PHACTR1: variants seen among roughly 807,000 people sequenced by gnomAD.
The protein encoded by PHACTR1 is RPEL repeat containing 1.
In PHACTR1, 16 loss-of-function variants were observed where a neutral mutation model predicts 69.2. The ratio of observed to expected loss-of-function variants is 0.23; its 90% confidence interval spans 0.16 to 0.35. The LOEUF is 0.35. PHACTR1 is among the 10% of genes least tolerant of loss of function. The pLI, the probability that PHACTR1 is intolerant of heterozygous loss-of-function variation, is 1.00. For missense variants in PHACTR1, 510 were observed against 734.7 expected, an observed-to-expected ratio of 0.69 and a Z score of 3.54; for synonymous variants, 312 against 284.5, an observed-to-expected ratio of 1.10 and a Z score of -0.97.
At chr6:12,727,023 T>C (rs1762878940) in intron 3 of PHACTR1, among the ~76,000 whole-genome samples, 1 of 152,226 alleles carries the variant, frequency 6.6e-6, no homozygotes, top group African/African-American at 2.4e-5. Flanking sequence ...CTTGTTGTTT[T>C]ATTTTGTTTT....
At chr6:13,095,089 A>G (rs1430158193) in intron 5 of PHACTR1, among the ~76,000 whole-genome samples, 2 of 152,186 alleles carry the variant, frequency 1.3e-5, no homozygotes, top group East Asian at 3.8e-4. Flanking sequence ...AAGCCAAGAG[A>G]AGAGGCCTCA....
At chr6:12,870,192 C>T (rs781537407) in intron 4 of PHACTR1, among the ~76,000 whole-genome samples, 8 of 151,990 alleles carry the variant, frequency 5.3e-5, no homozygotes, top group Non-Finnish European at 8.8e-5. Context: ...CAAACATGCA[C>T]ATTTTCTTCA....
intron 4 of PHACTR1, among the ~76,000 whole-genome samples, chr6:12,980,943 G>A (rs1795455743): frequency 1.3e-5 from 2 of 152,192 alleles, no homozygotes; most frequent in Admixed American, 1.3e-4. Flanking sequence ...CCATTTTTGA[G>A]GTGTGTGCGG....
chr6:13,047,889 G>T (rs376279305), intron 4 of PHACTR1, among the ~76,000 whole-genome samples: 1 of 151,984 alleles, frequency 6.6e-6, no homozygotes, highest in African/African-American at 2.4e-5. Context: ...CCCGAGCCCC[G>T]GCCCAGCTCC....
chr6:13,193,355 GTGTATATATATATATA>G (rs6149434), intron 7 of PHACTR1, among the ~76,000 whole-genome samples: 13,171 of 45,086 alleles, frequency 0.29, 1,720 homozygotes, highest in East Asian at 0.69. Flanking sequence ...ATAGCTCTCT[GTGTATATATATATATA>G]TATATATATA....
At chr6:13,215,661 C>T (rs887374379) in intron 8 of PHACTR1, among the ~76,000 whole-genome samples, 2 of 152,160 alleles carry the variant, frequency 1.3e-5, no homozygotes, top group African/African-American at 4.8e-5. Flanking sequence ...TAATAGGAGT[C>T]CCAAATGGTT....
At chr6:12,969,254 A>G (rs1233388265) in intron 4 of PHACTR1, among the ~76,000 whole-genome samples, 1 of 152,222 alleles carries the variant, frequency 6.6e-6, no homozygotes, top group Admixed American at 6.5e-5. Flanking sequence ...AAAATCAGAT[A>G]TCTTATCTGA....
intron 4 of PHACTR1, among the ~76,000 whole-genome samples, chr6:12,995,980 C>T (rs958252672): frequency 2.0e-5 from 3 of 152,016 alleles, no homozygotes; most frequent in East Asian, 1.9e-4. Context: ...CTAAGAAATT[C>T]GTACATCAAA....
At position 12,908,319 on chromosome 6, in the gene PHACTR1, C is replaced by T. The variant is rs139667128; in HGVS notation, c.251-145046C>T. ...ATGAGTTTATGTAAAGAAAATAAAC[C>T]GAAATTAAAAATAGAATTGGACAAT... On this transcript the variant is annotated intron_variant, in intron 4 of 14. Transcript: ENST00000332995. Among the ~76,000 whole-genome samples the T allele has an allele frequency of 9.9e-5, 15 of 151,994 alleles. No individual in the cohort carries two copies. In the South Asian group the frequency reaches 2.1e-3, roughly 21 times the overall value.
chr6:13,286,892 T>G (rs1781800233), intron 14 of PHACTR1, among the ~76,000 whole-genome samples, 171 bp from the exon 15 acceptor site: 1 of 152,142 alleles, frequency 6.6e-6, no homozygotes, highest in South Asian at 2.1e-4. Context: ...CTGCCCCAGA[T>G]GAAACTTTCA....
Position 13,203,624 on chromosome 6 carries a change from G to A in PHACTR1, c.665-2191G>A, listed in dbSNP as rs1183988207. Among the ~76,000 whole-genome samples the A allele has an allele frequency of 2.0e-5, 3 of 152,186 alleles. No individual in the cohort carries two copies. The East Asian group carries it at 5.8e-4, about 29-fold the overall frequency. On this transcript the variant is annotated intron_variant, in intron 7 of 14. Coordinates refer to ENST00000332995, the MANE Select transcript of PHACTR1 (RefSeq NM_030948.6). Reference sequence around the variant, plus strand: ...TGTAATGATCAAGGAAGGCTTTTCAGGGGTGATTGTTTGTGAGGTGGATCT... The same window carrying A: ...TGTAATGATCAAGGAAGGCTTTTCAAGGGTGATTGTTTGTGAGGTGGATCT...
chr6:13,077,847 T>A (rs1810766642), intron 5 of PHACTR1, among the ~76,000 whole-genome samples: 1 of 152,032 alleles, frequency 6.6e-6, no homozygotes, highest in Non-Finnish European at 1.5e-5. Flanking sequence ...TAACAAGACT[T>A]GCGAGACAAA....
intron 3 of PHACTR1, among the ~76,000 whole-genome samples, chr6:12,737,631 GT>G (rs1245968086): frequency 2.1e-5 from 3 of 145,888 alleles, no homozygotes; most frequent in Admixed American, 6.9e-5. Context: ...GTCTCTCTCT[GT>G]CACTCAGGCT....
chr6:13,003,952 T>C (rs935880646), intron 4 of PHACTR1, among the ~76,000 whole-genome samples: 3 of 100,262 alleles, frequency 3.0e-5, no homozygotes, highest in African/African-American at 7.1e-5. Context: ...GTAGTATTCC[T>C]ATATATATAT....
intron 4 of PHACTR1, among the ~76,000 whole-genome samples, chr6:12,996,324 T>G (rs1797406202): frequency 6.6e-6 from 1 of 152,026 alleles, no homozygotes; most frequent in Non-Finnish European, 1.5e-5. Flanking sequence ...TAGGCAAATC[T>G]CTGGCAAGAG....
chr6:13,137,481 A>G (rs1008164523), intron 5 of PHACTR1, among the ~76,000 whole-genome samples: 1 of 152,270 alleles, frequency 6.6e-6, no homozygotes. Flanking sequence ...CAGAAATTCT[A>G]CATTCAGAAT....
intron 4 of PHACTR1, among the ~76,000 whole-genome samples, chr6:12,924,865 A>C (rs1451093256): frequency 6.6e-6 from 1 of 152,112 alleles, no homozygotes; most frequent in Non-Finnish European, 1.5e-5. Flanking sequence ...AAAATGAAGA[A>C]GTGGTTTTTC....
chr6:12,862,811 A>G (rs1462641269), intron 4 of PHACTR1, among the ~76,000 whole-genome samples: 2 of 152,320 alleles, frequency 1.3e-5, no homozygotes, highest in Middle Eastern at 3.4e-3. Flanking sequence ...AATTACAGCA[A>G]CCTACAATAT....
intron 4 of PHACTR1, among the ~76,000 whole-genome samples, chr6:12,895,888 A>G (rs1337243444): frequency 2.0e-5 from 3 of 152,226 alleles, no homozygotes; most frequent in Non-Finnish European, 2.9e-5. Context: ...CAGGACTGAG[A>G]AACTCTGCTT....
Sources: gnomAD v4.1 joint callset for allele counts (sites outside exome capture counted in the v4.1 genomes callset) on GRCh38, gnomAD v4.1.1 for gene constraint, MANE v1.5 for transcripts, NCBI Gene and HGNC (gene_info 2026-07-23, HGNC 2026-07-21) for gene names.